Variants in KCNN2 observed in about 807,000 individuals in gnomAD.
The protein encoded by KCNN2 is small conductance calcium-activated potassium channel protein 2.
A neutral mutation model predicts 55.5 loss-of-function variants in KCNN2; 24 were observed. The ratio of observed to expected loss-of-function variants is 0.43; its 90% CI spans 0.31 to 0.61. The LOEUF is 0.61. Ranked by LOEUF, KCNN2 falls within the 20% of genes least tolerant of loss-of-function variation. The pLI is 0.08. For synonymous variants in KCNN2, 431 were observed against 336.1 expected (o/e 1.28, Z -3.09); for missense variants, 754 against 853.6 (o/e 0.88, Z 1.45).
chr5:114,144,783 T>A (rs1448708321), intron 1 of KCNN2, among the ~76,000 whole-genome samples: 1 of 144,078 alleles, frequency 6.9e-6, no homozygotes, highest in Non-Finnish European at 1.5e-5. Context: ...ACAGTGTATA[T>A]ATTTTGGGAT....
intron 1 of KCNN2, among the ~76,000 whole-genome samples, chr5:114,104,259 A>G (rs1243308238): frequency 1.3e-5 from 2 of 151,948 alleles, no homozygotes; most frequent in South Asian, 2.1e-4. Context: ...TTTCTTTGGG[A>G]TCAGTGGTGA....
intron 2 of KCNN2, among the ~76,000 whole-genome samples, chr5:114,388,726 G>A (rs1439846235): frequency 6.6e-6 from 1 of 152,022 alleles, no homozygotes; most frequent in Non-Finnish European, 1.5e-5. Flanking sequence ...TTCCCCCTGA[G>A]AAATAGTTAG....
At chr5:114,130,651 A>G (rs1373217446) in intron 1 of KCNN2, among the ~76,000 whole-genome samples, 1 of 152,152 alleles carries the variant, frequency 6.6e-6, no homozygotes, top group Non-Finnish European at 1.5e-5. Flanking sequence ...GTCCATCTGG[A>G]TCTTTTTATC....
At chr5:114,099,160 A>G (rs1367586151) in intron 1 of KCNN2, among the ~76,000 whole-genome samples, 1 of 152,264 alleles carries the variant, frequency 6.6e-6, no homozygotes, top group East Asian at 1.9e-4. Context: ...AACTACTGGA[A>G]CCACACCACA....
chr5:114,185,837 C>G (rs1053592631), intron 1 of KCNN2, among the ~76,000 whole-genome samples: 1 of 152,002 alleles, frequency 6.6e-6, no homozygotes, highest in Non-Finnish European at 1.5e-5. Context: ...ATGAAATGCT[C>G]ATCAGCTGGT....
intron 2 of KCNN2, among the ~76,000 whole-genome samples, chr5:114,386,347 A>G (rs1023058234): frequency 6.6e-6 from 1 of 152,114 alleles, no homozygotes; most frequent in South Asian, 2.1e-4. Context: ...GGACCATTTT[A>G]TTGATTACTG....
At chr5:114,304,554 A>C (rs1580708777) in intron 2 of KCNN2, among the ~76,000 whole-genome samples, 1 of 152,188 alleles carries the variant, frequency 6.6e-6, no homozygotes, top group Admixed American at 6.5e-5. Flanking sequence ...AGCGTGCTGG[A>C]AGCTGTTTAT....
chr5:114,469,707 A>G (rs1403551814), intron 4 of KCNN2, among the ~76,000 whole-genome samples: 2 of 152,196 alleles, frequency 1.3e-5, no homozygotes, highest in African/African-American at 4.8e-5. Flanking sequence ...GTGGACAATA[A>G]TATTATGCCA....
chr5:114,361,723 G>C (rs557838132), upstream of KCNN2, among the ~76,000 whole-genome samples: 1 of 152,298 alleles, frequency 6.6e-6, no homozygotes, highest in South Asian at 2.1e-4. Flanking sequence ...ACTAGTCAAG[G>C]GGGCAGCGGC....
chr5:114,114,458 T>G (rs1257484039), intron 1 of KCNN2, among the ~76,000 whole-genome samples: 1 of 152,052 alleles, frequency 6.6e-6, no homozygotes, highest in Non-Finnish European at 1.5e-5. Flanking sequence ...AGGTTGGCTT[T>G]GAAACCCTGG....
chr5:114,411,558 G>A (rs778591507), intron 3 of KCNN2, among the ~76,000 whole-genome samples: 1 of 152,126 alleles, frequency 6.6e-6, no homozygotes, highest in Non-Finnish European at 1.5e-5. Context: ...AGAGATGCAG[G>A]TGCAAGTCCT....
At chr5:114,065,173 C>A (rs932656702) in intron 1 of KCNN2, among the ~76,000 whole-genome samples, 1 of 152,094 alleles carries the variant, frequency 6.6e-6, no homozygotes, top group African/African-American at 2.4e-5. Flanking sequence ...ATTTGGATTG[C>A]GAAGAGGAAC....
chr5:114,059,281 A>C (rs73782144), intron 1 of KCNN2, among the ~76,000 whole-genome samples: 2,821 of 152,316 alleles, frequency 0.019, 106 homozygotes, highest in African/African-American at 0.063. Context: ...GGGAAGATTC[A>C]CGTTCAAAGA....
At chr5:114,312,455 A>G (rs1258144762) in intron 2 of KCNN2, among the ~76,000 whole-genome samples, 1 of 78,254 alleles carries the variant, frequency 1.3e-5, no homozygotes, top group Non-Finnish European at 2.7e-5. Flanking sequence ...ATATATATAT[A>G]TATATATATA....
At chr5:114,279,098 A>C (rs2150012008) in intron 2 of KCNN2, among the ~76,000 whole-genome samples, 1 of 152,130 alleles carries the variant, frequency 6.6e-6, no homozygotes, top group South Asian at 2.1e-4. Context: ...TTTTATAATT[A>C]GTTTATAATT....
intron 1 of KCNN2, among the ~76,000 whole-genome samples, chr5:114,077,844 G>A (rs533672518): frequency 6.6e-6 from 1 of 152,186 alleles, no homozygotes; most frequent in East Asian, 1.9e-4. Context: ...GAGAAGGGGG[G>A]TGGTGAAGAC....
At chr5:114,154,485 A>G (rs1752591209) in intron 1 of KCNN2, among the ~76,000 whole-genome samples, 1 of 151,960 alleles carries the variant, frequency 6.6e-6, no homozygotes, top group African/African-American at 2.4e-5. Flanking sequence ...TTTATTACCT[A>G]CTCTACAGGC....
intron 1 of KCNN2, among the ~76,000 whole-genome samples, chr5:114,181,592 C>A (rs78012665): frequency 6.6e-6 from 1 of 152,066 alleles, no homozygotes; most frequent in Non-Finnish European, 1.5e-5. Context: ...TTAATAAAGT[C>A]TAATTTATCA....
At chr5:114,324,395 C>A (rs781434652) in intron 2 of KCNN2, among the ~76,000 whole-genome samples, 73 of 152,080 alleles carry the variant, frequency 4.8e-4, no homozygotes, top group Non-Finnish European at 8.5e-4. Context: ...AAATAGAGAA[C>A]CTTATTGGCC....
Sources: gnomAD v4.1 joint callset for allele counts (sites outside exome capture counted in the v4.1 genomes callset) on GRCh38, gnomAD v4.1.1 for gene constraint, MANE v1.5 for transcripts, NCBI Gene and HGNC (gene_info 2026-07-23, HGNC 2026-07-21) for gene names.